ARHGAP22: variants seen among roughly 807,000 people sequenced by gnomAD.
ARHGAP22 encodes the protein rho GTPase-activating protein 22.
Under a neutral mutation model 59.1 loss-of-function variants are expected in ARHGAP22, and 48 were observed. The ratio of observed to expected loss-of-function variants is 0.81; its 90% CI spans 0.64 to 1.03. The LOEUF is 1.03. Among genes scored for constraint, ARHGAP22 ranks in the 50% least tolerant of loss-of-function variants. The pLI, the probability that ARHGAP22 is intolerant of heterozygous loss-of-function variation, is 0.00. For synonymous variants in ARHGAP22, 445 were observed against 416.4 expected (o/e 1.07, Z -0.84); for missense variants, 1,015 against 958.7 (o/e 1.06, Z -0.78).
chr10:48,450,914 G>C lies in ARHGAP22; in HGVS notation c.1215C>G (p.Ser405=). Residue 405 remains serine (S), a synonymous_variant, in exon 9 of 10, where the codon TCC becomes TCG. Coordinates refer to ENST00000249601, the MANE Select transcript of ARHGAP22 (RefSeq NM_021226.4). ...TCCCCGGCCCCGTGGGGGCTGTTCTGGAGAGCACCGCCACGGCCGCCCCGT... is the reference window on the plus strand; with the variant it reads ...TCCCCGGCCCCGTGGGGGCTGTTCTCGAGAGCACCGCCACGGCCGCCCCGT... The part of the protein sequence containing the change: ...SLDGAAVAVL[S]RTAPTGPGSR... The C allele has an allele frequency of 6.3e-7, 1 of 1,597,958 alleles. No homozygotes were observed. Among genetic ancestry groups the C allele is most frequent in the Non-Finnish European group, 8.5e-7 (1 of 1,173,288 alleles).
At chr10:48,552,534 T>C (rs2056982022) in intron 3 of ARHGAP22, among the ~76,000 whole-genome samples, 1 of 152,248 alleles carries the variant, frequency 6.6e-6, no homozygotes, top group Non-Finnish European at 1.5e-5. Flanking sequence ...GGGCTGTGCT[T>C]GGTGCACACT....
intron 1 of ARHGAP22, among the ~76,000 whole-genome samples, chr10:48,617,061 T>C (rs1230118615): frequency 6.6e-6 from 1 of 151,272 alleles, no homozygotes; most frequent in Non-Finnish European, 1.5e-5. Context: ...ATAACATAAA[T>C]TTGGCAGGGG....
Position 48,453,313 on chromosome 10 carries a change from T to C in ARHGAP22, c.979A>G (p.Ile327Val), listed in dbSNP as rs767883296. ...LRPQVEDPVT[I>V]MEGTSLVQHL... ...TACACCTCCCACTTACCTTCCATGA[T>C]GGTTACTGGGTCCTCTACCTGTGGC... is the stretch of plus-strand genomic sequence containing the variant. Residue 327 changes from isoleucine (I) to valine (V), a missense_variant, in exon 8 of 10, where the codon ATC becomes GTC. Physicochemically the swap from Ile to Val is conservative, Grantham distance 29. Transcript: ENST00000249601. The C allele has an allele frequency of 6.2e-7, 1 of 1,613,786 alleles. No homozygotes were observed. The highest frequency in any genetic ancestry group is 1.1e-5 in the South Asian group (1 of 91,076).
chr10:48,588,057 A>G (rs1369169122), intron 1 of ARHGAP22, among the ~76,000 whole-genome samples: 1 of 152,234 alleles, frequency 6.6e-6, no homozygotes, highest in African/African-American at 2.4e-5. Flanking sequence ...TGACTGTGGG[A>G]CTGGCCTGTA....
chr10:48,461,227 C>T (rs542201375), intron 4 of ARHGAP22, among the ~76,000 whole-genome samples: 2 of 152,314 alleles, frequency 1.3e-5, no homozygotes, highest in Admixed American at 6.5e-5. Context: ...GTGCACACTG[C>T]ATGACTCCAT....
intron 2 of ARHGAP22, among the ~76,000 whole-genome samples, chr10:48,560,752 A>G (rs1483556902): frequency 6.6e-6 from 1 of 152,148 alleles, no homozygotes; most frequent in African/African-American, 2.4e-5. Flanking sequence ...TGAATCCATG[A>G]GATGATTATT....
In ARHGAP22 at chr10:48,583,167, C is replaced by T. The variant is rs765634130; in HGVS notation, c.35-15G>A. On this transcript the variant is annotated splice_polypyrimidine_tract_variant and intron_variant, in intron 1 of 9. Coordinates refer to ENST00000249601, the MANE Select transcript of ARHGAP22 (RefSeq NM_021226.4). ...TTTGGAGCGGGCTGAAAGCCAAGGA[C>T]ACACAGAGTGAGCATGAAGGCAGCG... 3.5e-5 allele frequency: 57 copies of T among 1,610,920 alleles called. No homozygotes were observed. Among genetic ancestry groups the T allele is most frequent in the Non-Finnish European group, 4.8e-5 (57 of 1,178,284 alleles).
At chr10:48,576,722 T>C (rs2058732437) in intron 2 of ARHGAP22, among the ~76,000 whole-genome samples, 1 of 152,216 alleles carries the variant, frequency 6.6e-6, no homozygotes. Flanking sequence ...CCTGAATCTG[T>C]CACCACGTTC....
intron 2 of ARHGAP22, among the ~76,000 whole-genome samples, chr10:48,579,119 C>T (rs1292538853): frequency 1.3e-5 from 2 of 151,250 alleles, no homozygotes. Context: ...TTTCCTTTCC[C>T]CCATTTTGTC....
chr10:48,485,504 A>G (rs892259022), intron 3 of ARHGAP22, among the ~76,000 whole-genome samples: 2 of 152,176 alleles, frequency 1.3e-5, no homozygotes, highest in Non-Finnish European at 2.9e-5. Flanking sequence ...ATAAATGTCA[A>G]TTTGGTCTAG....
chr10:48,578,995 A>C (rs2135577779), intron 2 of ARHGAP22, among the ~76,000 whole-genome samples: 1 of 151,786 alleles, frequency 6.6e-6, no homozygotes, highest in South Asian at 2.1e-4. Context: ...ATTTTAAGGG[A>C]TAGATGAATC....
intron 3 of ARHGAP22, among the ~76,000 whole-genome samples, chr10:48,482,286 G>C (rs926950526): frequency 1.3e-5 from 2 of 152,184 alleles, no homozygotes; most frequent in Non-Finnish European, 2.9e-5. Flanking sequence ...TATGGGAGAA[G>C]GTGTAATTGA....
At chr10:48,474,024 C>A (rs971925587) in intron 4 of ARHGAP22, among the ~76,000 whole-genome samples, 9 of 152,216 alleles carry the variant, frequency 5.9e-5, no homozygotes, top group African/African-American at 1.9e-4. Flanking sequence ...CGTGGAAGTT[C>A]AGAGATCAGT....
At chr10:48,551,336 C>T (rs1326775594) in intron 3 of ARHGAP22, among the ~76,000 whole-genome samples, 1 of 152,224 alleles carries the variant, frequency 6.6e-6, no homozygotes, top group Non-Finnish European at 1.5e-5. Context: ...TTTTCTCCAT[C>T]AGTGCCCAGG....
intron 1 of ARHGAP22, among the ~76,000 whole-genome samples, chr10:48,643,244 T>C (rs959483318): frequency 3.3e-5 from 5 of 152,190 alleles, no homozygotes; most frequent in East Asian, 1.9e-4. Context: ...ACTGGGTATA[T>C]ACCCAAAGGA....
intron 1 of ARHGAP22, among the ~76,000 whole-genome samples, chr10:48,652,066 T>A (rs887246881): frequency 1.3e-5 from 2 of 152,164 alleles, no homozygotes; most frequent in Admixed American, 6.5e-5. Flanking sequence ...GTGGGGTTTG[T>A]GCCATCAGCC....
upstream of ARHGAP22, among the ~76,000 whole-genome samples, chr10:48,654,883 CTCTT>C (rs2062714567): frequency 7.1e-6 from 1 of 140,302 alleles, no homozygotes; most frequent in African/African-American, 2.7e-5. Context: ...TTCTTTCTTT[CTCTT>C]TCTTTTCTCT....
At chr10:48,541,843 A>G (rs1162266954) in intron 3 of ARHGAP22, among the ~76,000 whole-genome samples, 2 of 152,228 alleles carry the variant, frequency 1.3e-5, no homozygotes, top group African/African-American at 4.8e-5. Context: ...GCAAGGATGA[A>G]GGTGCAGGCC....
At chr10:48,551,984 G>A (rs2056930916) in intron 3 of ARHGAP22, among the ~76,000 whole-genome samples, 1 of 152,178 alleles carries the variant, frequency 6.6e-6, no homozygotes, top group South Asian at 2.1e-4. Flanking sequence ...GCTGGGGGTG[G>A]GCAACAGGGC....
Sources: gnomAD v4.1 joint callset for allele counts (sites outside exome capture counted in the v4.1 genomes callset) on GRCh38, gnomAD v4.1.1 for gene constraint, MANE v1.5 for transcripts, NCBI Gene and HGNC (gene_info 2026-07-23, HGNC 2026-07-21) for gene names.